Variants in WASL observed in about 807,000 individuals in gnomAD.
WASL encodes the protein WASP like actin nucleation promoting factor.
A neutral mutation model predicts 55.5 loss-of-function variants in WASL; 20 were observed. The ratio of observed to expected loss-of-function variants is 0.36; its 90% confidence interval spans 0.25 to 0.52. WASL has a LOEUF of 0.52. WASL is among the 20% of genes least tolerant of loss of function. WASL has a pLI of 0.92. For synonymous variants in WASL, 249 were observed against 217.6 expected, an observed-to-expected ratio of 1.14 and a Z score of -1.27; for missense variants, 504 against 622.5, an observed-to-expected ratio of 0.81 and a Z score of 2.03.
chr7:123,745,585 T>A (rs1804417934), intron 1 of WASL, among the ~76,000 whole-genome samples: 1 of 152,158 alleles, frequency 6.6e-6, no homozygotes, highest in African/African-American at 2.4e-5. Context: ...CAACGTGGAC[T>A]TTAGCAGTGG....
intron 1 of WASL, among the ~76,000 whole-genome samples, chr7:123,743,193 CA>C (rs1804374460): frequency 6.6e-6 from 1 of 151,994 alleles, no homozygotes; most frequent in Non-Finnish European, 1.5e-5. Context: ...AAAAATTAGC[CA>C]GGGGTAGTGG....
chr7:123,728,172 G>A (rs973623323), intron 1 of WASL, among the ~76,000 whole-genome samples: 1 of 152,060 alleles, frequency 6.6e-6, no homozygotes, highest in Non-Finnish European at 1.5e-5. Flanking sequence ...GCATTTTACA[G>A]AATGAAATAC....
chr7:123,728,220 T>C (rs1249127823), intron 1 of WASL, among the ~76,000 whole-genome samples: 1 of 152,192 alleles, frequency 6.6e-6, no homozygotes, highest in East Asian at 1.9e-4. Flanking sequence ...TAACATTACC[T>C]GGGGACTGGG....
chr7:123,709,570 G>C (rs536368531), intron 1 of WASL, among the ~76,000 whole-genome samples: 1 of 152,156 alleles, frequency 6.6e-6, no homozygotes, highest in Admixed American at 6.6e-5. Flanking sequence ...GACACTAAAG[G>C]GGTTAATTTG....
At chr7:123,695,715 C>T in intron 7 of WASL, 108 bp downstream of exon 7, 1 of 1,067,906 alleles carries the variant, frequency 9.4e-7, no homozygotes, top group Non-Finnish European at 1.4e-6. Flanking sequence ...AACACAAGCA[C>T]ATTCAAACAG....
rs1044016294 is a variant in WASL at position 123,748,993 on chromosome 7, C to G, written c.-259G>C. 1.4e-5 allele frequency: 7 copies of G among 497,312 alleles called. No homozygotes were observed. Among genetic ancestry groups the G allele is most frequent in the South Asian group, 1.2e-4 (4 of 32,266 alleles). 30.8% of individuals were successfully genotyped at this position (497,312 alleles called of 1,614,324 possible). A position where few individuals can be genotyped will look rare whatever the true frequency, so the allele number is the denominator to read the frequency against. On this transcript the variant is annotated 5_prime_UTR_variant, in exon 1 of 11. Coordinates refer to ENST00000223023, the MANE Select transcript of WASL (RefSeq NM_003941.4). ...GCCGGATGGTCGTTGTCCTCGCACT[C>G]CGGCGACTGCGCTAAACTCCCAACT...
chr7:123,716,206 T>A (rs573578663), intron 1 of WASL, among the ~76,000 whole-genome samples: 1 of 151,986 alleles, frequency 6.6e-6, no homozygotes, highest in Non-Finnish European at 1.5e-5. Flanking sequence ...ACCAATCAGT[T>A]TATTTTTATT....
At chr7:123,721,791 T>G (rs899559850) in intron 1 of WASL, among the ~76,000 whole-genome samples, 1 of 152,090 alleles carries the variant, frequency 6.6e-6, no homozygotes, top group African/African-American at 2.4e-5. Context: ...CGGGCGCCTG[T>G]AGTCCCAGTC....
chr7:123,692,761 G>A lies in WASL; in HGVS notation c.933C>T (p.Pro311=). The change falls in exon 9 of 11, where the codon CCC becomes CCT. Residue 311 remains proline, a synonymous_variant. Coordinates refer to ENST00000223023, the MANE Select transcript of WASL (RefSeq NM_003941.4). ...PPPARGRGAP[P]PPPSRAPTAA... ...CTGTGGGAGCTCTTGAAGGTGGTGGGGGAGGAGCGCCTCTTCCCCTAGCAG... is the reference window on the plus strand; with the variant it reads ...CTGTGGGAGCTCTTGAAGGTGGTGGAGGAGGAGCGCCTCTTCCCCTAGCAG... 1 of 1,490,392 alleles carries A rather than the reference G, an allele frequency of 6.7e-7. No individual in the cohort carries two copies. The highest frequency in any genetic ancestry group is 8.9e-7 in the Non-Finnish European group (1 of 1,121,516). 92.3% of individuals were successfully genotyped at this position (1,490,392 alleles called of 1,614,324 possible).
intron 1 of WASL, among the ~76,000 whole-genome samples, chr7:123,746,657 T>C (rs973174052): frequency 6.6e-6 from 1 of 152,222 alleles, no homozygotes; most frequent in Non-Finnish European, 1.5e-5. Flanking sequence ...GTACAGTTGA[T>C]TAATAAAAGA....
intron 2 of WASL, among the ~76,000 whole-genome samples, chr7:123,707,183 A>G (rs1451718305): frequency 6.6e-6 from 1 of 152,182 alleles, no homozygotes; most frequent in Non-Finnish European, 1.5e-5. Flanking sequence ...ATACTTTTGT[A>G]CATGAACTGA....
At chr7:123,720,037 T>G (rs1356919540) in intron 1 of WASL, among the ~76,000 whole-genome samples, 1 of 152,164 alleles carries the variant, frequency 6.6e-6, no homozygotes, top group Non-Finnish European at 1.5e-5. Context: ...GATAGGGCCC[T>G]GTCTTATTTC....
At chr7:123,710,405 T>C (rs920921109) in intron 1 of WASL, among the ~76,000 whole-genome samples, 42 of 152,144 alleles carry the variant, frequency 2.8e-4, no homozygotes, top group African/African-American at 9.4e-4. Context: ...TTGGGCTCTG[T>C]AATAAAAAAT....
At chr7:123,702,033 A>C (rs1223735165) in intron 5 of WASL, among the ~76,000 whole-genome samples, 1 of 151,728 alleles carries the variant, frequency 6.6e-6, no homozygotes, top group Non-Finnish European at 1.5e-5. Context: ...ACCAATGGCC[A>C]ACTCATAGAA....
intron 6 of WASL, among the ~76,000 whole-genome samples, chr7:123,696,191 G>C (rs1304147013): frequency 6.6e-6 from 1 of 151,934 alleles, no homozygotes; most frequent in Admixed American, 6.5e-5. Context: ...ATAAAATAAT[G>C]CATATGAAAA....
At chr7:123,721,349 G>T (rs527800315) in intron 1 of WASL, among the ~76,000 whole-genome samples, 29 of 152,172 alleles carry the variant, frequency 1.9e-4, no homozygotes, top group Non-Finnish European at 4.0e-4. Flanking sequence ...GGCAAAAAAC[G>T]TGCAAAAGGT....
chr7:123,726,671 C>T (rs957654765), intron 1 of WASL, among the ~76,000 whole-genome samples: 2 of 152,124 alleles, frequency 1.3e-5, no homozygotes, highest in East Asian at 1.9e-4. Context: ...TCAAGACCAG[C>T]CTGGCCAACA....
At chr7:123,717,900 C>T (rs182497176) in intron 1 of WASL, among the ~76,000 whole-genome samples, 10 of 152,144 alleles carry the variant, frequency 6.6e-5, no homozygotes, top group Admixed American at 1.3e-4. Flanking sequence ...GATATGCCTG[C>T]GCTGCAAAAA....
At position 123,748,669 on chromosome 7, in the gene WASL, G is replaced by C. The variant is rs760919018; in HGVS notation, c.66C>G (p.Leu22=). 1.9e-6 allele frequency: 3 copies of C among 1,612,818 alleles called. No homozygotes were observed. Among genetic ancestry groups the C allele is most frequent in the Non-Finnish European group, 2.5e-6 (3 of 1,179,526 alleles). ...RRVTNVGSLL[L]TPQENESLFT... is the part of the protein sequence containing the mutation. ...AGAGGGACTCGTTCTCCTGCGGGGT[G>C]AGCAACAGGGACCCCACGTTGGTGA... The change falls in exon 1 of 11, where the codon CTC becomes CTG. Residue 22 remains leucine, a synonymous_variant. Transcript: ENST00000223023.
Sources: gnomAD v4.1 joint callset for allele counts (sites outside exome capture counted in the v4.1 genomes callset) on GRCh38, gnomAD v4.1.1 for gene constraint, MANE v1.5 for transcripts, NCBI Gene and HGNC (gene_info 2026-07-23, HGNC 2026-07-21) for gene names.